GAS7: variants seen among roughly 807,000 people sequenced by gnomAD.
The protein encoded by GAS7 is growth arrest specific 7.
GAS7 carries 28 observed loss-of-function variants against 71.1 expected under a neutral mutation model. The ratio of observed to expected loss-of-function variants is 0.39; its 90% CI spans 0.29 to 0.54. GAS7 has a LOEUF of 0.54. GAS7 is among the 20% of genes least tolerant of loss of function. The probability of loss-of-function intolerance (pLI) is 0.62; values close to 1 mark genes in which losing one functional copy is unlikely to be tolerated. For missense variants in GAS7, 436 were observed against 627.8 expected (o/e 0.69, Z 3.27); for synonymous variants, 258 against 245.8 (o/e 1.05, Z -0.46).
At chr17:9,921,961 A>T (rs2067830602) in intron 11 of GAS7, among the ~76,000 whole-genome samples, 1 of 148,514 alleles carries the variant, frequency 6.7e-6, no homozygotes, top group Non-Finnish European at 1.5e-5. Context: ...TCCATCTCAA[A>T]AAAAAAAAAA....
At chr17:10,068,423 C>T (rs909873175) in intron 1 of GAS7, among the ~76,000 whole-genome samples, 2 of 152,020 alleles carry the variant, frequency 1.3e-5, no homozygotes, top group Non-Finnish European at 2.9e-5. Context: ...TGATGTTTCC[C>T]AGAAGGACTC....
At chr17:10,172,841 T>C (rs2074345332) in intron 1 of GAS7, among the ~76,000 whole-genome samples, 1 of 152,174 alleles carries the variant, frequency 6.6e-6, no homozygotes, top group Non-Finnish European at 1.5e-5. Flanking sequence ...AACAAAAGAC[T>C]AAAGATTCAG....
intron 3 of GAS7, among the ~76,000 whole-genome samples, chr17:9,970,469 A>C (rs1446828934): frequency 1.3e-5 from 2 of 151,810 alleles, no homozygotes; most frequent in Admixed American, 1.3e-4. Flanking sequence ...GTCTCTACTA[A>C]AAATACAAAA....
At position 9,926,540 on chromosome 17, in the gene GAS7, ACT is replaced by A; in HGVS notation, c.1014+99_1014+100del. On this transcript the variant is annotated intron_variant, in intron 10 of 13. Coordinates refer to ENST00000432992, the MANE Select transcript of GAS7 (RefSeq NM_201433.2). The surrounding 1 kb of genome is among the most constrained non-coding windows in gnomAD (Gnocchi z 5.0). The stretch of plus-strand genomic sequence containing the variant: ...CCTATTCCCCTACCTGGGGACAAAG[ACT>A]CAGCCTTGGCGTATGGAGCCACTGC... 7.9e-7 allele frequency: 1 copy of A among 1,267,528 alleles called. No individual in the cohort carries two copies. Among genetic ancestry groups the A allele is most frequent in the South Asian group, 1.2e-5 (1 of 80,996 alleles). The allele number at this position is 1,267,528 out of a possible 1,614,324, so 78.5% of individuals were successfully genotyped here.
At chr17:10,045,104 A>C (rs184736533) in intron 1 of GAS7, among the ~76,000 whole-genome samples, 2 of 152,142 alleles carry the variant, frequency 1.3e-5, no homozygotes, top group African/African-American at 4.8e-5. Flanking sequence ...TGAATACAGA[A>C]AGGGTGTGTC....
intron 2 of GAS7, among the ~76,000 whole-genome samples, chr17:10,013,596 A>C (rs570024442): frequency 3.3e-5 from 5 of 152,334 alleles, no homozygotes; most frequent in Admixed American, 6.5e-5. Context: ...GCATGCTCTG[A>C]TGGCATTGGC....
chr17:10,025,290 T>C (rs2072423610), intron 1 of GAS7, among the ~76,000 whole-genome samples: 1 of 151,912 alleles, frequency 6.6e-6, no homozygotes, highest in Non-Finnish European at 1.5e-5. Context: ...TCTAGAGACT[T>C]CTATCCAGTT....
chr17:10,180,046 TACGGAA>T lies in GAS7; in HGVS notation c.183+18156_183+18161del, dbSNP rs74458261. On this transcript the variant is annotated intron_variant, in intron 1 of 13. Coordinates refer to ENST00000432992, the MANE Select transcript of GAS7 (RefSeq NM_201433.2). ...GGGCCTTATTATTCCCACTTAAAGA[TACGGAA>T]ACTAATGGCTGGGCGTGGTGGCTCA... 4.4e-3 allele frequency among the ~76,000 whole-genome samples: 667 copies of T among 152,210 alleles called. 18 individuals carry two copies. The East Asian group carries it at 0.092, about 21-fold the overall frequency.
At chr17:10,111,675 T>A (rs1441815802) in intron 1 of GAS7, among the ~76,000 whole-genome samples, 1 of 152,104 alleles carries the variant, frequency 6.6e-6, no homozygotes, top group Admixed American at 6.5e-5. Flanking sequence ...AGGGCAAGAC[T>A]CCGTCTCTAA....
intron 2 of GAS7, among the ~76,000 whole-genome samples, chr17:10,017,123 CCTGT>C (rs1188430355): frequency 6.9e-6 from 1 of 145,800 alleles, no homozygotes; most frequent in Non-Finnish European, 1.5e-5. Context: ...AGAGTGAGAC[CCTGT>C]CTAAAAAAAT....
At chr17:10,158,061 A>G (rs1262784747) in intron 1 of GAS7, among the ~76,000 whole-genome samples, 1 of 152,130 alleles carries the variant, frequency 6.6e-6, no homozygotes, top group Non-Finnish European at 1.5e-5. Context: ...CCCAGGCTGG[A>G]GTGCAGCGGC....
chr17:10,050,285 G>A (rs1031086322), intron 1 of GAS7, among the ~76,000 whole-genome samples: 3 of 151,962 alleles, frequency 2.0e-5, no homozygotes, highest in Admixed American at 2.0e-4. Flanking sequence ...TTGGTGGGGT[G>A]GGGGGGCTTT....
At chr17:10,123,759 G>T (rs1351790010) in intron 1 of GAS7, among the ~76,000 whole-genome samples, 1 of 152,216 alleles carries the variant, frequency 6.6e-6, no homozygotes, top group Non-Finnish European at 1.5e-5. Flanking sequence ...AGGAATCAAG[G>T]CAGGGAGGTT....
intron 1 of GAS7, among the ~76,000 whole-genome samples, chr17:10,032,100 G>A (rs1386567271): frequency 1.3e-5 from 2 of 148,826 alleles, no homozygotes; most frequent in Non-Finnish European, 3.0e-5. Flanking sequence ...TGGAGGGGTT[G>A]GGGAACCTCA....
At chr17:9,990,545 T>A (rs1053042905) in intron 2 of GAS7, among the ~76,000 whole-genome samples, 3 of 152,074 alleles carry the variant, frequency 2.0e-5, no homozygotes, top group Admixed American at 6.5e-5. Flanking sequence ...TTGGGGGCCA[T>A]CTTGGAAGGC....
chr17:10,068,057 G>A (rs2073300914), intron 1 of GAS7, among the ~76,000 whole-genome samples: 1 of 152,140 alleles, frequency 6.6e-6, no homozygotes, highest in Non-Finnish European at 1.5e-5. Flanking sequence ...GTCCTTCAGA[G>A]GCTTAACACA....
chr17:10,051,572 G>C (rs937298035), intron 1 of GAS7, among the ~76,000 whole-genome samples: 32 of 152,310 alleles, frequency 2.1e-4, no homozygotes, highest in African/African-American at 7.2e-4. Flanking sequence ...GACCCTGCCA[G>C]TAAAACTCAC....
chr17:10,037,162 C>G (rs965093658), intron 1 of GAS7, among the ~76,000 whole-genome samples: 2 of 152,208 alleles, frequency 1.3e-5, no homozygotes, highest in Non-Finnish European at 2.9e-5. Context: ...CAAACCTGGA[C>G]AGATAACGAA....
At chr17:10,174,708 A>G (rs1249160888) in intron 1 of GAS7, among the ~76,000 whole-genome samples, 1 of 152,144 alleles carries the variant, frequency 6.6e-6, no homozygotes, top group Non-Finnish European at 1.5e-5. Flanking sequence ...AATAATTAAA[A>G]AAAATAAAAA....
Sources: gnomAD v4.1 joint callset for allele counts (sites outside exome capture counted in the v4.1 genomes callset) on GRCh38, gnomAD v4.1.1 for gene constraint, Gnocchi (gnomAD v3.1) non-coding constraint, MANE v1.5 for transcripts, NCBI Gene and HGNC (gene_info 2026-07-23, HGNC 2026-07-21) for gene names.